The following MAPT variants were observed in gnomAD, a reference collection of about 807,000 sequenced individuals.
MAPT encodes the protein microtubule-associated protein tau.
MAPT carries 34 observed loss-of-function variants against 67.9 expected under a neutral mutation model. That is an observed-to-expected ratio of 0.50 (90% CI 0.38 to 0.67). The LOEUF is 0.67. MAPT is among the 30% of genes least tolerant of loss of function. MAPT has a pLI of 0.00. For synonymous variants in MAPT, 456 were observed against 464.5 expected (o/e 0.98, Z 0.23); for missense variants, 881 against 1,115.2 (o/e 0.79, Z 2.99).
chr17:45,964,309 C>T (rs1050008855), intron 2 of MAPT, among the ~76,000 whole-genome samples: 10 of 151,690 alleles, frequency 6.6e-5, no homozygotes, highest in Non-Finnish European at 1.5e-4. Flanking sequence ...CTGCACCCAT[C>T]AACTTGTCAT....
At chr17:45,941,454 A>AC (rs1275227945) in intron 1 of MAPT, among the ~76,000 whole-genome samples, 1 of 151,330 alleles carries the variant, frequency 6.6e-6, no homozygotes, top group African/African-American at 2.4e-5. Context: ...ACTCTCAGAG[A>AC]CCCCTCCTTC....
chr17:45,964,013 G>A (rs894282866), intron 2 of MAPT, among the ~76,000 whole-genome samples: 2 of 152,114 alleles, frequency 1.3e-5, no homozygotes, highest in Non-Finnish European at 2.9e-5. Flanking sequence ...TCTGGGTGAG[G>A]AGGTGAGAGG....
rs770955128 is a variant in MAPT, at chr17:45,974,473, T to C, written c.220+2528T>C. 1.3e-6 allele frequency: 2 copies of C among 1,599,922 alleles called. No individual in the cohort carries two copies. Among genetic ancestry groups the C allele is most frequent in the Non-Finnish European group, 8.5e-7 (1 of 1,173,844 alleles). ...CGGAGATCCCAGAAGGAACCACAGG[T>C]GAGGGTAAGCCCCAGAGACCCCCAG... On this transcript the variant is annotated intron_variant, in intron 3 of 12. Coordinates refer to ENST00000262410, the MANE Select transcript of MAPT (RefSeq NM_001377265.1).
At chr17:45,979,070 T>C (rs1453255363) in intron 4 of MAPT, 1 of 152,286 alleles carries the variant, frequency 6.6e-6, no homozygotes, top group East Asian at 1.9e-4. Flanking sequence ...CTGTGGCTGA[T>C]CCAGGAGCAA....
intron 3 of MAPT, chr17:45,974,733 G>A (rs558398194): frequency 6.1e-4 from 307 of 503,218 alleles, no homozygotes; most frequent in African/African-American, 5.6e-3. Flanking sequence ...CAGTCAGCGC[G>A]TCAGTTCCAG....
At chr17:45,936,515 A>G (rs1466953586) in intron 1 of MAPT, among the ~76,000 whole-genome samples, 3 of 152,174 alleles carry the variant, frequency 2.0e-5, no homozygotes, top group African/African-American at 7.2e-5. Context: ...ACTTTATTAC[A>G]CAGTGGACAT....
intron 5 of MAPT, among the ~76,000 whole-genome samples, chr17:45,986,420 G>A (rs1235853420): frequency 1.3e-5 from 2 of 152,224 alleles, no homozygotes; most frequent in Non-Finnish European, 1.5e-5. Flanking sequence ...CAGGAAGGTG[G>A]AAATCAGGAC....
At chr17:45,938,040 C>T (rs2067511819) in intron 1 of MAPT, among the ~76,000 whole-genome samples, 1 of 152,160 alleles carries the variant, frequency 6.6e-6, no homozygotes, top group Admixed American at 6.5e-5. Flanking sequence ...TCCTTCCTTT[C>T]CCCCAAATCA....
At chr17:45,978,200 G>A in intron 3 of MAPT, 175 bp from the exon 4 acceptor site, 1 of 662,902 alleles carries the variant, frequency 1.5e-6, no homozygotes, top group Non-Finnish European at 2.7e-6. Context: ...TTTATCACCA[G>A]CATCCTCAGC....
chr17:45,962,400 G>A lies in MAPT; in HGVS notation c.63G>A (p.Gly21=), dbSNP rs200084740. The change falls in exon 2 of 13, where the codon GGG becomes GGA. Residue 21 remains glycine (G), a synonymous_variant. Transcript: ENST00000262410. ...MEDHAGTYGL[G]DRKDQGGYTM... ...ATCACGCTGGGACGTACGGGTTGGG[G>A]GACAGGAAAGATCAGGGGGGCTACA... 1.2e-6 allele frequency: 2 copies of A among 1,612,676 alleles called. No individual in the cohort carries two copies. The highest frequency in any genetic ancestry group is 1.7e-6 in the Non-Finnish European group (2 of 1,179,946).
chr17:45,960,124 C>T (rs1255367246), intron 1 of MAPT, among the ~76,000 whole-genome samples: 1 of 152,252 alleles, frequency 6.6e-6, no homozygotes, highest in Non-Finnish European at 1.5e-5. Flanking sequence ...AAAACAGACA[C>T]ATTTGCACAA....
At position 46,024,550 on chromosome 17, in the gene MAPT, T is replaced by TG. The variant is rs2146231829; in HGVS notation, c.*384dup. 3 of 358,142 alleles carry TG rather than the reference T, an allele frequency of 8.4e-6. No homozygotes were observed. In the East Asian group the frequency reaches 2.1e-4, roughly 25 times the overall value. 22.2% of individuals were successfully genotyped at this position (358,142 alleles called of 1,614,324 possible). On this transcript the variant is annotated 3_prime_UTR_variant, in exon 13 of 13. Transcript: ENST00000262410. ...CTGCTTCTGGGGGATTTCAAGGGACTGGGGGTGCCAACCACCTCTGGCCCT... is the reference window on the plus strand; with the variant it reads ...CTGCTTCTGGGGGATTTCAAGGGACTGGGGGGTGCCAACCACCTCTGGCCCT...
chr17:45,947,234 G>A (rs1339256915), intron 1 of MAPT, among the ~76,000 whole-genome samples: 1 of 152,062 alleles, frequency 6.6e-6, no homozygotes, highest in African/African-American at 2.4e-5. Flanking sequence ...GTGGGCAGGA[G>A]AGAGGAGGGG....
chr17:46,009,368 A>G (rs1485059254), intron 9 of MAPT, among the ~76,000 whole-genome samples: 1 of 112,754 alleles, frequency 8.9e-6, no homozygotes, highest in Non-Finnish European at 2.4e-5. Context: ...CATAGTTCTT[A>G]GGCAAATTGG....
chr17:45,982,031 A>AAG (rs1311977531), intron 4 of MAPT, among the ~76,000 whole-genome samples: 5 of 147,634 alleles, frequency 3.4e-5, no homozygotes, highest in Admixed American at 2.0e-4. Flanking sequence ...AAAAAAAAAA[A>AAG]AAGAAAGAAA....
chr17:45,993,058 C>T (rs1393950183), intron 8 of MAPT, among the ~76,000 whole-genome samples: 2 of 152,192 alleles, frequency 1.3e-5, no homozygotes, highest in East Asian at 1.9e-4. Flanking sequence ...CTTGGTGGCA[C>T]GGGCAGCCTA....
intron 9 of MAPT, among the ~76,000 whole-genome samples, chr17:46,008,468 G>A (rs1326341665): frequency 1.3e-5 from 2 of 152,170 alleles, no homozygotes; most frequent in African/African-American, 4.8e-5. Flanking sequence ...TACAGGGGTA[G>A]TTATATATAA....
intron 10 of MAPT, 124 bp from the exon 11 acceptor site, chr17:46,014,119 G>T (rs1332761447): frequency 4.2e-6 from 3 of 708,862 alleles, no homozygotes; most frequent in Non-Finnish European, 7.8e-6. Flanking sequence ...AAGGGCCTGG[G>T]CTTACACAGC....
Position 46,024,624 on chromosome 17 carries a change from T to G in MAPT, c.*453T>G, listed in dbSNP as rs570856603. ...GTGGCAGCAACAAAGGATTTGAAACTTGGTGTGTTCGTGGAGCCACAGGCA... is the reference window on the plus strand; with the variant it reads ...GTGGCAGCAACAAAGGATTTGAAACGTGGTGTGTTCGTGGAGCCACAGGCA... On this transcript the variant is annotated 3_prime_UTR_variant, in exon 13 of 13. Transcript: ENST00000262410. 37 of 253,996 alleles carry G rather than the reference T, an allele frequency of 1.5e-4. No individual in the cohort carries two copies. In the South Asian group the frequency reaches 1.7e-3, roughly 12 times the overall value. The allele number at this position is 253,996 out of a possible 1,614,324, so 15.7% of individuals were successfully genotyped here.
Sources: gnomAD v4.1 joint callset for allele counts (sites outside exome capture counted in the v4.1 genomes callset) on GRCh38, gnomAD v4.1.1 for gene constraint, MANE v1.5 for transcripts, NCBI Gene and HGNC (gene_info 2026-07-23, HGNC 2026-07-21) for gene names.